HK1: variants seen among roughly 807,000 people sequenced by gnomAD.
HK1 encodes hexokinase 1.
In HK1, 28 loss-of-function variants were observed where a neutral mutation model predicts 91.6. The ratio of observed to expected loss-of-function variants is 0.31; its 90% CI spans 0.23 to 0.42. The LOEUF (loss-of-function observed/expected upper bound fraction) is 0.42, where lower values mean the gene tolerates loss of function less well. HK1 is among the 10% of genes least tolerant of loss of function. The pLI is 1.00. For synonymous variants in HK1, 430 were observed against 468.1 expected, an observed-to-expected ratio of 0.92 and a Z score of 1.05; for missense variants, 770 against 1,219.8, an observed-to-expected ratio of 0.63 and a Z score of 5.49.
intron 9 of HK1, among the ~76,000 whole-genome samples, chr10:69,381,816 A>G (rs947645564): frequency 1.3e-5 from 2 of 152,178 alleles, no homozygotes; most frequent in East Asian, 3.9e-4. Context: ...GGCCTCCCAA[A>G]GTACTGGGAT....
chr10:69,336,381 G>A (rs1369745225), intron 1 of HK1, among the ~76,000 whole-genome samples: 2 of 151,840 alleles, frequency 1.3e-5, no homozygotes, highest in Admixed American at 6.6e-5. Context: ...GGTAGAGACA[G>A]GGTTTCTCCA....
chr10:69,366,041 G>T (rs529679225), intron 4 of HK1, among the ~76,000 whole-genome samples: 1 of 152,208 alleles, frequency 6.6e-6, no homozygotes, highest in East Asian at 1.9e-4. Flanking sequence ...ATCTTGGCCA[G>T]GCTGGTCTCA....
At chr10:69,398,448 T>G in intron 16 of HK1, 147 bp from the exon 17 acceptor site, 1 of 699,870 alleles carries the variant, frequency 1.4e-6, no homozygotes, top group Middle Eastern at 3.0e-4. Context: ...TGCCAAATTC[T>G]CCACAGTTTA....
intron 16 of HK1, among the ~76,000 whole-genome samples, chr10:69,396,465 C>T (rs1403829513): frequency 6.6e-6 from 1 of 152,072 alleles, no homozygotes; most frequent in Non-Finnish European, 1.5e-5. Context: ...ATCTTCTCAG[C>T]TGAAACTCTG....
chr10:69,337,024 A>G (rs1848028143), intron 1 of HK1, among the ~76,000 whole-genome samples: 1 of 152,142 alleles, frequency 6.6e-6, no homozygotes. Context: ...GAGGGAGGGA[A>G]ATGACACTTG....
In HK1 at chr10:69,392,034, C is replaced by A. The variant is rs911123336; in HGVS notation, c.2036-91C>A. On this transcript the variant is annotated intron_variant, in intron 14 of 17. Coordinates refer to ENST00000359426, the MANE Select transcript of HK1 (RefSeq NM_000188.3). ...TCATCACAAAAAACGTGCCCCCTGC[C>A]TGTGGAACCTCAGGCCCCAGACCCC... 74 of 1,287,886 alleles carry A rather than the reference C, an allele frequency of 5.7e-5. No homozygotes were observed. The African/African-American group carries it at 1.0e-3, about 18-fold the overall frequency. The allele number at this position is 1,287,886 out of a possible 1,614,324, so 79.8% of individuals were successfully genotyped here. A position where few individuals can be genotyped will look rare whatever the true frequency, so the allele number is the denominator to read the frequency against.
chr10:69,283,028 A>T (rs1844829570), intron 2 of HK1, among the ~76,000 whole-genome samples: 1 of 146,440 alleles, frequency 6.8e-6, no homozygotes, highest in Admixed American at 7.2e-5. Context: ...TCGGAGGCTG[A>T]GGCAGGAGAA....
chr10:69,371,661 T>C (rs1314571765), intron 7 of HK1, among the ~76,000 whole-genome samples: 1 of 152,248 alleles, frequency 6.6e-6, no homozygotes. Flanking sequence ...GCCCTTATCC[T>C]TGGTTCCCAG....
intron 1 of HK1, among the ~76,000 whole-genome samples, chr10:69,321,497 C>G (rs189827204): frequency 1.3e-4 from 20 of 152,230 alleles, no homozygotes; most frequent in Non-Finnish European, 2.6e-4. Context: ...TGGTTCCCCC[C>G]CAGCGTGGGC....
intron 2 of HK1, among the ~76,000 whole-genome samples, chr10:69,283,798 CAAAAA>C (rs571297748): frequency 1.5e-5 from 1 of 67,632 alleles, no homozygotes; most frequent in Non-Finnish European, 2.7e-5. Flanking sequence ...GACTCTGTCT[CAAAAA>C]AAAAAAAAAA....
At chr10:69,314,197 T>G (rs1392438627), upstream of HK1, among the ~76,000 whole-genome samples, 1 of 152,230 alleles carries the variant, frequency 6.6e-6, no homozygotes, top group Non-Finnish European at 1.5e-5. Context: ...TCAATTCATT[T>G]TAGACATTTC....
At position 69,384,382 on chromosome 10, in the gene HK1, G is replaced by A; in HGVS notation, c.1620G>A (p.Val540=). The change falls in exon 11 of 18, where the codon GTG becomes GTA. Residue 540 remains valine (V), a synonymous_variant. Coordinates refer to ENST00000359426, the MANE Select transcript of HK1 (RefSeq NM_000188.3). ...ATCTTGGAGGAACCAATTTCCGTGTGCTGCTGGTGAAAATCCGTAGTGGGA... is the reference window on the plus strand; with the variant it reads ...ATCTTGGAGGAACCAATTTCCGTGTACTGCTGGTGAAAATCCGTAGTGGGA... ...ALDLGGTNFR[V]LLVKIRSGKK... is the part of the protein sequence containing the mutation. 1 of 1,614,242 alleles carries A rather than the reference G, an allele frequency of 6.2e-7. No homozygotes were observed. Among genetic ancestry groups the A allele is most frequent in the East Asian group, 2.2e-5 (1 of 44,888 alleles).
In HK1 at chr10:69,398,765, G is replaced by A; in HGVS notation, c.2546G>A (p.Arg849Lys). The A allele has an allele frequency of 6.2e-7, 1 of 1,614,250 alleles. No individual in the cohort carries two copies. The highest frequency in any genetic ancestry group is 8.5e-7 in the Non-Finnish European group (1 of 1,180,040). ...GTTGTGGATAAGATCCGCGAGAACAGAGGACTGGACCGTCTGAATGTGACT... is the reference window on the plus strand; with the variant it reads ...GTTGTGGATAAGATCCGCGAGAACAAAGGACTGGACCGTCTGAATGTGACT... ...AAVVDKIRENRGLDRLNVTVG... is the reference protein window; with the variant it reads ...AAVVDKIRENKGLDRLNVTVG... Residue 849 changes from arginine (R) to lysine (K), a missense_variant, in exon 17 of 18, where the codon AGA becomes AAA. This residue lies in a region of HK1 where 78 missense variants were observed against 99.0 expected (regional missense o/e 0.79). Transcript: ENST00000359426.
chr10:69,375,625 G>A (rs550839693), intron 7 of HK1, among the ~76,000 whole-genome samples: 3 of 152,300 alleles, frequency 2.0e-5, no homozygotes, highest in South Asian at 2.1e-4. Flanking sequence ...GCTTCTGGGC[G>A]GCTCTGGTTG....
At chr10:69,306,612 G>A (rs1038515639) in intron 5 of HK1, among the ~76,000 whole-genome samples, 1 of 152,172 alleles carries the variant, frequency 6.6e-6, no homozygotes, top group Non-Finnish European at 1.5e-5. Context: ...CATAAGTAAA[G>A]TAAGCATAGA....
intron 8 of HK1, among the ~76,000 whole-genome samples, chr10:69,378,436 CGTTTTTGTTTTT>C (rs1839226244): frequency 6.6e-6 from 1 of 151,878 alleles, no homozygotes; most frequent in Non-Finnish European, 1.5e-5. Context: ...AGTGGGTTTT[CGTTTTTGTTTTT>C]GTTTTTAAAG....
At chr10:69,328,518 C>T (rs1276151945) in intron 1 of HK1, among the ~76,000 whole-genome samples, 1 of 152,140 alleles carries the variant, frequency 6.6e-6, no homozygotes, top group Admixed American at 6.6e-5. Flanking sequence ...TTAGTTCATC[C>T]CCACAACGCC....
At chr10:69,394,813 G>T in intron 15 of HK1, 137 bp from the exon 16 acceptor site, 1 of 846,682 alleles carries the variant, frequency 1.2e-6, no homozygotes, top group Non-Finnish European at 2.0e-6. Flanking sequence ...CTCTGCGGCA[G>T]AGCACAGGGC....
intron 4 of HK1, 81 bp from the exon 5 acceptor site, chr10:69,368,455 C>G: frequency 8.0e-7 from 1 of 1,243,182 alleles, no homozygotes; most frequent in Non-Finnish European, 1.2e-6. Context: ...TGCTTCATCC[C>G]TGTCCTGGAG....
Sources: allele counts gnomAD v4.1 joint callset (sites outside exome capture counted in the v4.1 genomes callset), GRCh38; gene constraint gnomAD v4.1.1; regional missense constraint gnomAD v4.1.1; transcripts MANE v1.5; gene names NCBI Gene and HGNC (gene_info 2026-07-23, HGNC 2026-07-21).